The following GALNTL6 variants were observed in gnomAD, a reference collection of about 807,000 sequenced individuals.
GALNTL6 encodes the protein polypeptide N-acetylgalactosaminyltransferase-like 6.
GALNTL6 carries 46 observed loss-of-function variants against 73.7 expected under a neutral mutation model. The ratio of observed to expected loss-of-function variants is 0.62; its 90% CI spans 0.49 to 0.80. The LOEUF is 0.80. Among genes scored for constraint, GALNTL6 ranks in the 30% least tolerant of loss-of-function variants. GALNTL6 has a pLI of 0.00. For missense variants in GALNTL6, 604 were observed against 755.0 expected, an observed-to-expected ratio of 0.80 and a Z score of 2.34; for synonymous variants, 259 against 263.7, an observed-to-expected ratio of 0.98 and a Z score of 0.17.
At chr4:172,158,491 G>T (rs1304827800) in intron 2 of GALNTL6, among the ~76,000 whole-genome samples, 1 of 151,824 alleles carries the variant, frequency 6.6e-6, no homozygotes, top group Non-Finnish European at 1.5e-5. Context: ...GTTAAGTGAT[G>T]ATGTATTACT....
intron 4 of GALNTL6, among the ~76,000 whole-genome samples, chr4:172,341,464 A>G (rs138281451): frequency 0.56 from 80,991 of 145,636 alleles, 24,967 homozygotes; most frequent in Non-Finnish European, 0.69. Flanking sequence ...AAAAAAAAAA[A>G]AAAAAAAAAA....
In GALNTL6 at chr4:172,010,111, T is replaced by C. The variant is rs534020392; in HGVS notation, c.138+195393T>C. On this transcript the variant is annotated intron_variant, in intron 2 of 12. Coordinates refer to ENST00000506823, the MANE Select transcript of GALNTL6 (RefSeq NM_001034845.3). ...TTTATTAACTAGAAAGGATAGAGTT[T>C]ACTAAATGGCAATTTTATTGCTCCC... Among the ~76,000 whole-genome samples, 5 of 152,250 alleles carry C rather than the reference T, an allele frequency of 3.3e-5. No homozygotes were observed. The South Asian group carries it at 1.0e-3, about 32-fold the overall frequency.
At chr4:172,537,423 C>T (rs934959024) in intron 5 of GALNTL6, among the ~76,000 whole-genome samples, 2 of 152,096 alleles carry the variant, frequency 1.3e-5, no homozygotes, top group Admixed American at 6.6e-5. Context: ...ATAAGGGGCT[C>T]CCCCAAGCTT....
At chr4:172,955,932 A>G (rs1480434616) in intron 10 of GALNTL6, among the ~76,000 whole-genome samples, 1 of 152,188 alleles carries the variant, frequency 6.6e-6, no homozygotes, top group Non-Finnish European at 1.5e-5. Flanking sequence ...TCATCAGTTA[A>G]GGCAGGAACA....
intron 2 of GALNTL6, among the ~76,000 whole-genome samples, chr4:171,955,482 T>G (rs1739015974): frequency 6.6e-6 from 1 of 152,026 alleles, no homozygotes; most frequent in African/African-American, 2.4e-5. Context: ...TGCCAAAATC[T>G]AAGGATGCTG....
intron 4 of GALNTL6, among the ~76,000 whole-genome samples, chr4:172,312,580 T>C (rs939826667): frequency 2.0e-5 from 3 of 151,940 alleles, no homozygotes; most frequent in Admixed American, 6.6e-5. Flanking sequence ...AAAACTTCCC[T>C]ATGGAAACCC....
intron 2 of GALNTL6, among the ~76,000 whole-genome samples, chr4:172,147,547 G>C (rs1733958571): frequency 6.6e-6 from 1 of 152,124 alleles, no homozygotes. Context: ...AGGAATTTTT[G>C]TTTTCATCTT....
At chr4:172,436,856 A>C (rs1161494099) in intron 5 of GALNTL6, among the ~76,000 whole-genome samples, 2 of 152,108 alleles carry the variant, frequency 1.3e-5, no homozygotes, top group East Asian at 3.9e-4. Context: ...CTTATGGTAC[A>C]GGTTATGGAA....
chr4:172,193,633 C>T lies in GALNTL6; in HGVS notation c.139-36023C>T, dbSNP rs183263279. On this transcript the variant is annotated intron_variant, in intron 2 of 12. Coordinates refer to ENST00000506823, the MANE Select transcript of GALNTL6 (RefSeq NM_001034845.3). ...ATCCCAGCACTTTGGGAGGCCGAGG[C>T]GGGTGGATCATGAGGTCAGGAGATC... 7.9e-5 allele frequency among the ~76,000 whole-genome samples: 12 copies of T among 152,112 alleles called. No homozygotes were observed. In the East Asian group the frequency reaches 9.7e-4, roughly 12 times the overall value.
intron 5 of GALNTL6, among the ~76,000 whole-genome samples, chr4:172,697,029 T>C (rs2111276343): frequency 6.6e-6 from 1 of 152,320 alleles, no homozygotes; most frequent in African/African-American, 2.4e-5. Context: ...ATTAGTTTAA[T>C]ATACAAAACA....
intron 2 of GALNTL6, among the ~76,000 whole-genome samples, chr4:172,093,114 C>T (rs532908450): frequency 1.4e-4 from 22 of 152,016 alleles, no homozygotes; most frequent in African/African-American, 4.3e-4. Flanking sequence ...CCTCGTGATC[C>T]GCCCACCTCA....
At chr4:172,675,566 G>T (rs978703574) in intron 5 of GALNTL6, among the ~76,000 whole-genome samples, 19 of 152,218 alleles carry the variant, frequency 1.2e-4, no homozygotes, top group Admixed American at 1.0e-3. Context: ...CCACAAGCAA[G>T]AATGATTGCC....
At chr4:172,121,257 TTG>T (rs375731048) in intron 2 of GALNTL6, among the ~76,000 whole-genome samples, 2,347 of 142,426 alleles carry the variant, frequency 0.016, 44 homozygotes, top group African/African-American at 0.049. Context: ...TCAAGAAGCA[TTG>T]TGTGTGTGTG....
intron 11 of GALNTL6, among the ~76,000 whole-genome samples, chr4:173,015,655 G>A (rs2126505378): frequency 6.6e-6 from 1 of 152,286 alleles, no homozygotes; most frequent in Admixed American, 6.5e-5. Flanking sequence ...AGGGTATGTG[G>A]CAGAAGAAAT....
intron 2 of GALNTL6, among the ~76,000 whole-genome samples, chr4:172,005,966 C>T (rs1419776599): frequency 1.3e-5 from 2 of 152,144 alleles, no homozygotes; most frequent in Non-Finnish European, 2.9e-5. Context: ...CTGAAAAATA[C>T]TGATTTGCTT....
At chr4:172,361,563 A>C (rs1056640436) in intron 5 of GALNTL6, among the ~76,000 whole-genome samples, 2 of 152,128 alleles carry the variant, frequency 1.3e-5, no homozygotes, top group East Asian at 3.9e-4. Context: ...TAGCCTAAAA[A>C]TCGAACCCAG....
intron 5 of GALNTL6, among the ~76,000 whole-genome samples, chr4:172,635,344 G>T (rs1309909988): frequency 6.6e-6 from 1 of 151,988 alleles, no homozygotes; most frequent in Non-Finnish European, 1.5e-5. Context: ...ACTGTCTCAG[G>T]TTAAATTTCT....
At chr4:172,171,293 C>T (rs1734814802) in intron 2 of GALNTL6, among the ~76,000 whole-genome samples, 1 of 151,970 alleles carries the variant, frequency 6.6e-6, no homozygotes, top group Non-Finnish European at 1.5e-5. Flanking sequence ...CTATAATATC[C>T]TAAAAAGAAT....
chr4:172,364,091 G>GA (rs199700310), intron 5 of GALNTL6, among the ~76,000 whole-genome samples: 25 of 152,160 alleles, frequency 1.6e-4, no homozygotes, highest in African/African-American at 5.8e-4. Flanking sequence ...ATTTTTCTGA[G>GA]AAAAAAATTT....
Sources: allele counts gnomAD v4.1 joint callset (sites outside exome capture counted in the v4.1 genomes callset), GRCh38; gene constraint gnomAD v4.1.1; transcripts MANE v1.5; gene names NCBI Gene and HGNC (gene_info 2026-07-23, HGNC 2026-07-21).